ERAP1: variants seen among roughly 807,000 people sequenced by gnomAD.
ERAP1 encodes the protein endoplasmic reticulum aminopeptidase 1.
In ERAP1, 86 loss-of-function variants were observed where a neutral mutation model predicts 103.7. The observed-to-expected ratio is 0.83, with a 90% confidence interval of 0.70 to 0.99. ERAP1 has a LOEUF of 0.99. ERAP1 is among the 50% of genes least tolerant of loss of function. The pLI is 0.00. For missense variants in ERAP1, 1,009 were observed against 1,128.4 expected (o/e 0.89, Z 1.52); for synonymous variants, 398 against 402.4 (o/e 0.99, Z 0.13).
the ERAP1 span, among the ~76,000 whole-genome samples, chr5:96,856,877 T>C: frequency 2.6e-5 from 4 of 152,232 alleles, no homozygotes; most frequent in African/African-American, 9.6e-5. Flanking sequence ...CTGCTCCCTC[T>C]TATTGGACTT....
At position 96,774,861 on chromosome 5, in the gene ERAP1, C is replaced by A; in HGVS notation, c.*1535G>T. The A allele has an allele frequency of 2.0e-6, 2 of 985,422 alleles. No homozygotes were observed. The highest frequency in any genetic ancestry group is 2.4e-6 in the Non-Finnish European group (2 of 829,858). The allele number at this position is 985,422 out of a possible 1,614,324, so 61.0% of individuals were successfully genotyped here. ...GGTTTAATAAATGGCAGATTTATGT[C>A]CAGAAGTCACTCTATTTTGTCGTGT... is the stretch of plus-strand genomic sequence containing the variant. On this transcript the variant is annotated 3_prime_UTR_variant, in exon 19 of 19. Transcript: ENST00000443439.
the ERAP1 span, among the ~76,000 whole-genome samples, chr5:96,891,518 C>G: frequency 3.5e-5 from 1 of 28,762 alleles, no homozygotes. Context: ...TATATATATG[C>G]CCATATACGG....
chr5:96,878,200 G>A, the ERAP1 span, among the ~76,000 whole-genome samples: 30 of 147,532 alleles, frequency 2.0e-4, no homozygotes, highest in Admixed American at 1.9e-3. Flanking sequence ...GCTTTCAAAA[G>A]TAGTGTAAAG....
chr5:96,786,530 A>G lies in ERAP1; in HGVS notation c.1699T>C (p.Leu567=). 1.2e-6 allele frequency: 2 copies of G among 1,612,432 alleles called. No individual in the cohort carries two copies. The highest frequency in any genetic ancestry group is 2.2e-5 in the East Asian group (1 of 44,872). Residue 567 remains leucine (L), a synonymous_variant, in exon 12 of 19, where the codon TTG becomes CTG. Transcript: ENST00000443439. The stretch of plus-strand genomic sequence containing the variant: ...TCGGATTTGCTGGTGATGAATGTCA[A>G]TGGAACATGCCACAGGTACCTAAAA... ...PDTGYLWHVP[L]TFITSKSDMV...
At chr5:96,923,693 CAAAA>C in the ERAP1 span, among the ~76,000 whole-genome samples, 1 of 73,710 alleles carries the variant, frequency 1.4e-5, no homozygotes. Flanking sequence ...GACTCTGTCT[CAAAA>C]AAAAAAAAAA....
chr5:96,838,776 T>C, the ERAP1 span, among the ~76,000 whole-genome samples: 2 of 151,726 alleles, frequency 1.3e-5, no homozygotes, highest in African/African-American at 4.8e-5. Flanking sequence ...CAAACAATAA[T>C]ATGGGAGAAG....
At chr5:96,919,888 C>A in the ERAP1 span, among the ~76,000 whole-genome samples, 1 of 152,162 alleles carries the variant, frequency 6.6e-6, no homozygotes, top group Non-Finnish European at 1.5e-5. Context: ...CTCTGGGCCT[C>A]CCCCATTCTT....
the ERAP1 span, among the ~76,000 whole-genome samples, chr5:96,898,264 C>A: frequency 6.6e-6 from 1 of 151,862 alleles, no homozygotes; most frequent in Non-Finnish European, 1.5e-5. Context: ...AAAGCACTTT[C>A]ATGTTGATTA....
At chr5:96,926,983 AT>A in the ERAP1 span, among the ~76,000 whole-genome samples, 2 of 152,058 alleles carry the variant, frequency 1.3e-5, no homozygotes, top group East Asian at 3.9e-4. Flanking sequence ...TGCCTGGCTA[AT>A]TTTTTTATTT....
chr5:96,918,907 G>C, the ERAP1 span: 2 of 152,076 alleles, frequency 1.3e-5, no homozygotes, highest in Non-Finnish European at 2.9e-5. Flanking sequence ...TTTTAAGGGC[G>C]CTTCTTGCTC....
At position 96,776,155 on chromosome 5, in the gene ERAP1, C is replaced by G. The variant is rs568278666; in HGVS notation, c.*241G>C. ...AATAAGGTACTTTATTCTTCTGTGG[C>G]AGGGAACCCAACACTTGGGTTTACG... On this transcript the variant is annotated 3_prime_UTR_variant, in exon 19 of 19. Coordinates refer to ENST00000443439, the MANE Select transcript of ERAP1 (RefSeq NM_001040458.3). The G allele has an allele frequency of 6.0e-6, 9 of 1,491,292 alleles. No homozygotes were observed. The Admixed American group carries it at 1.8e-4, about 30-fold the overall frequency. The allele number at this position is 1,491,292 out of a possible 1,614,324, so 92.4% of individuals were successfully genotyped here.
intron 1 of ERAP1, among the ~76,000 whole-genome samples, chr5:96,807,349 C>T (rs1778745553): frequency 1.3e-5 from 2 of 152,296 alleles, no homozygotes; most frequent in African/African-American, 2.4e-5. Context: ...AGTCTTTAAC[C>T]CAAAGCCTCT....
chr5:96,868,281 A>C, the ERAP1 span, among the ~76,000 whole-genome samples: 1 of 152,146 alleles, frequency 6.6e-6, no homozygotes, highest in African/African-American at 2.4e-5. Context: ...CCCAGATTCA[A>C]GGGGAGGAAA....
At chr5:96,795,230 G>T in intron 4 of ERAP1, 68 bp from the exon 5 acceptor site, 1 of 1,591,272 alleles carries the variant, frequency 6.3e-7, no homozygotes, top group South Asian at 1.1e-5. Flanking sequence ...TTGTGTAGAA[G>T]ACTGACATTA....
chr5:96,839,626 C>A, the ERAP1 span, among the ~76,000 whole-genome samples: 2 of 152,172 alleles, frequency 1.3e-5, no homozygotes, highest in Non-Finnish European at 2.9e-5. Context: ...TCCACAGGGC[C>A]CCGCATGATC....
the ERAP1 span, among the ~76,000 whole-genome samples, chr5:96,817,106 A>G: frequency 0.01 from 1,589 of 152,330 alleles, 7 homozygotes; most frequent in Non-Finnish European, 0.015. Context: ...TTTGAAAGAG[A>G]AAGTAAATGG....
At chr5:96,769,344 G>A (rs531848358) in intron 19 of ERAP1, 53 of 146,964 alleles carry the variant, frequency 3.6e-4, no homozygotes, top group African/African-American at 1.1e-3. Context: ...TTCCTCGGTT[G>A]TTTCCCATTG....
At chr5:96,809,094 A>G (rs1449577500), upstream of ERAP1, among the ~76,000 whole-genome samples, 1 of 152,196 alleles carries the variant, frequency 6.6e-6, no homozygotes, top group African/African-American at 2.4e-5. Flanking sequence ...TTGCAGTGGC[A>G]TTTGTAAACT....
the ERAP1 span, among the ~76,000 whole-genome samples, chr5:96,894,294 T>C: frequency 3.3e-5 from 5 of 152,212 alleles, no homozygotes; most frequent in Admixed American, 6.5e-5. Flanking sequence ...AGGAAACACC[T>C]CTCCCTTTCC....
Sources: gnomAD v4.1 joint callset for allele counts (sites outside exome capture counted in the v4.1 genomes callset) on GRCh38, gnomAD v4.1.1 for gene constraint, MANE v1.5 for transcripts, NCBI Gene and HGNC (gene_info 2026-07-23, HGNC 2026-07-21) for gene names.